The following COLEC12 variants were observed in gnomAD, a reference collection of about 807,000 sequenced individuals.
The protein encoded by COLEC12 is collectin subfamily member 12, also known as collectin-12.
COLEC12 carries 33 observed loss-of-function variants against 71.1 expected under a neutral mutation model. The observed-to-expected ratio is 0.46, with a 90% CI of 0.35 to 0.62. The LOEUF is 0.62. COLEC12 is among the 20% of genes least tolerant of loss of function. The probability of loss-of-function intolerance (pLI) is 0.00; values close to 1 mark genes in which losing one functional copy is unlikely to be tolerated. For missense variants in COLEC12, 765 were observed against 916.1 expected (o/e 0.84, Z 2.13); for synonymous variants, 350 against 353.0 (o/e 0.99, Z 0.10).
intron 5 of COLEC12, among the ~76,000 whole-genome samples, chr18:342,955 G>A (rs1289111474): frequency 6.6e-6 from 1 of 152,050 alleles, no homozygotes; most frequent in Non-Finnish European, 1.5e-5. Flanking sequence ...TGTCTACATG[G>A]GCCTCTTTTT....
rs916419430 is a variant in COLEC12, at chr18:436,532, G to C, written c.58+44175C>G. ...CTCCATCTCAAAAAAAAAAGGGGGG[G>C]GGGGGGGAAACAGGGGTGGCTTTCT... On this transcript the variant is annotated intron_variant, in intron 2 of 9. Transcript: ENST00000400256. 3.6e-3 allele frequency among the ~76,000 whole-genome samples: 504 copies of C among 141,844 alleles called. 18 individuals carry two copies. The highest frequency in any genetic ancestry group is 0.016 in the South Asian group (65 of 4,084). The allele number at this position is 141,844 out of a possible 152,430, so 93.1% of individuals were successfully genotyped here.
At chr18:376,394 A>G (rs112682009) in intron 2 of COLEC12, among the ~76,000 whole-genome samples, 53 of 152,358 alleles carry the variant, frequency 3.5e-4, no homozygotes, top group Middle Eastern at 3.4e-3. Flanking sequence ...TTAAACAGCC[A>G]TTCCACCATA....
At chr18:341,255 C>T (rs1247560303) in intron 5 of COLEC12, among the ~76,000 whole-genome samples, 1 of 152,218 alleles carries the variant, frequency 6.6e-6, no homozygotes, top group Non-Finnish European at 1.5e-5. Flanking sequence ...GAGTTTGGCA[C>T]TGTCTGCCAT....
chr18:468,142 G>A (rs184320463), intron 2 of COLEC12, among the ~76,000 whole-genome samples: 10 of 151,880 alleles, frequency 6.6e-5, no homozygotes, highest in African/African-American at 2.2e-4. Flanking sequence ...TGTGCCTGTA[G>A]TCCCAGCTGC....
chr18:383,882 G>A (rs1396814863), intron 2 of COLEC12, among the ~76,000 whole-genome samples: 1 of 152,176 alleles, frequency 6.6e-6, no homozygotes, highest in African/African-American at 2.4e-5. Context: ...AGTGAAGGAG[G>A]AGCAAAGTCA....
At chr18:432,479 G>C (rs2143677151) in intron 2 of COLEC12, among the ~76,000 whole-genome samples, 1 of 152,162 alleles carries the variant, frequency 6.6e-6, no homozygotes, top group East Asian at 1.9e-4. Context: ...AAACTAAGGG[G>C]GTAAGACTGC....
chr18:379,286 C>T (rs1598344876), intron 2 of COLEC12, among the ~76,000 whole-genome samples: 1 of 152,002 alleles, frequency 6.6e-6, no homozygotes, highest in East Asian at 1.9e-4. Context: ...CCATATCCAG[C>T]TAATTTATTT....
chr18:357,487 T>C lies in COLEC12; in HGVS notation c.94A>G (p.Asn32Asp), dbSNP rs180771503. 2.8e-4 allele frequency: 441 copies of C among 1,592,694 alleles called. 1 individual carries two copies. In the South Asian group the frequency reaches 3.3e-3, roughly 12 times the overall value. ...QEGTQCTKCK[N>D]NWALKFSIIL... ...ATAGAAAACTTCAGTGCCCAGTTAT[T>C]TTTACATTTGGTACATTGTGTTCCT... is the stretch of plus-strand genomic sequence containing the variant. Residue 32 changes from asparagine (N) to aspartate (D), a missense_variant, in exon 3 of 10, where the codon AAT becomes GAT. Transcript: ENST00000400256.
At chr18:324,985 T>A (rs1411675377) in intron 8 of COLEC12, among the ~76,000 whole-genome samples, 2 of 152,038 alleles carry the variant, frequency 1.3e-5, no homozygotes, top group Non-Finnish European at 2.9e-5. Context: ...GGCCAGGAGT[T>A]CAAGACCTGC....
chr18:387,995 T>C (rs1915381940), intron 2 of COLEC12, among the ~76,000 whole-genome samples: 1 of 152,218 alleles, frequency 6.6e-6, no homozygotes, highest in African/African-American at 2.4e-5. Flanking sequence ...AAAGTCCGTT[T>C]TGGCCTATAG....
intron 2 of COLEC12, among the ~76,000 whole-genome samples, chr18:462,956 T>C (rs552934125): frequency 2.6e-5 from 4 of 152,310 alleles, no homozygotes; most frequent in African/African-American, 9.6e-5. Flanking sequence ...TAAAGTGTAA[T>C]AGCTCAGATT....
chr18:358,356 T>C (rs1914672186), intron 2 of COLEC12, among the ~76,000 whole-genome samples: 1 of 152,164 alleles, frequency 6.6e-6, no homozygotes, highest in South Asian at 2.1e-4. Flanking sequence ...CATTGTAATA[T>C]ATAATGAAAT....
chr18:459,871 T>C (rs1231496435), intron 2 of COLEC12, among the ~76,000 whole-genome samples: 3 of 152,322 alleles, frequency 2.0e-5, no homozygotes, highest in African/African-American at 7.2e-5. Context: ...TCAACACACA[T>C]ATTAGCTAAT....
intron 1 of COLEC12, among the ~76,000 whole-genome samples, chr18:493,692 A>G (rs1029311726): frequency 6.6e-6 from 1 of 152,244 alleles, no homozygotes; most frequent in African/African-American, 2.4e-5. Flanking sequence ...AATACCAAAT[A>G]TTTGTTTAAA....
chr18:378,265 CCTGCACAGCGCTGGCCAGG>C (rs1915155355), intron 2 of COLEC12, among the ~76,000 whole-genome samples: 1 of 152,106 alleles, frequency 6.6e-6, no homozygotes, highest in African/African-American at 2.4e-5. Flanking sequence ...TGGAGGGCAC[CCTGCACAGCGCTGGCCAGG>C]CTGCACAGAG....
chr18:415,244 C>T (rs953304014), intron 2 of COLEC12, among the ~76,000 whole-genome samples: 1 of 152,186 alleles, frequency 6.6e-6, no homozygotes, highest in African/African-American at 2.4e-5. Context: ...GGCAACTACC[C>T]CCTCACTAAA....
intron 2 of COLEC12, among the ~76,000 whole-genome samples, chr18:439,070 C>T (rs186322475): frequency 1.1e-3 from 172 of 152,278 alleles, no homozygotes; most frequent in African/African-American, 4.0e-3. Context: ...CTGCCTTCCT[C>T]TAAAAGTAGA....
At chr18:334,700 CA>C in intron 6 of COLEC12, 41 bp downstream of exon 6, 1 of 1,445,294 alleles carries the variant, frequency 6.9e-7, no homozygotes, top group Non-Finnish European at 9.1e-7. Context: ...CAAGCACATG[CA>C]CTGCCCTGTC....
intron 2 of COLEC12, among the ~76,000 whole-genome samples, chr18:478,419 C>A (rs1917345052): frequency 6.6e-6 from 1 of 152,094 alleles, no homozygotes; most frequent in Non-Finnish European, 1.5e-5. Flanking sequence ...TCAAGACCAG[C>A]TGGGGCAAGA....
Sources: gnomAD v4.1 joint callset for allele counts (sites outside exome capture counted in the v4.1 genomes callset) on GRCh38, gnomAD v4.1.1 for gene constraint, MANE v1.5 for transcripts, NCBI Gene and HGNC (gene_info 2026-07-23, HGNC 2026-07-21) for gene names.